Variants in KCNIP3 observed in about 807,000 individuals in gnomAD.
KCNIP3 encodes potassium voltage-gated channel interacting protein 3.
KCNIP3 carries 28 observed loss-of-function variants against 35.0 expected under a neutral mutation model. That is an observed-to-expected ratio of 0.80 (90% confidence interval 0.59 to 1.10). The LOEUF is 1.10. Among genes scored for constraint, KCNIP3 ranks in the 50% least tolerant of loss-of-function variants. The probability of loss-of-function intolerance (pLI) is 0.00; values close to 1 mark genes in which losing one functional copy is unlikely to be tolerated. For synonymous variants in KCNIP3, 134 were observed against 133.8 expected, an observed-to-expected ratio of 1.00 and a Z score of -0.01; for missense variants, 295 against 338.4, an observed-to-expected ratio of 0.87 and a Z score of 1.01.
At position 95,374,246 on chromosome 2, in the gene KCNIP3, G is replaced by C. The variant is rs763813992; in HGVS notation, c.182-50G>C. 1.9e-6 allele frequency: 3 copies of C among 1,593,504 alleles called. No individual in the cohort carries two copies. The African/African-American group carries it at 4.0e-5, about 21-fold the overall frequency. ...GCCCTGGCCACACTGGAGCAAGATG[G>C]AGGAGCAGGGCTACAGGCCTTACAC... On this transcript the variant is annotated intron_variant, in intron 2 of 8. Transcript: ENST00000295225.
At position 95,360,190 on chromosome 2, in the gene KCNIP3, C is replaced by CAA. The variant is rs35137501; in HGVS notation, c.182-14087_182-14086dup. Reference sequence around the variant, plus strand: ...TGGGCAACAGTGTGAGACTCCGTCTCAAAAAAAAAAAAAAAAAAAATTCTG... The same window carrying CAA: ...TGGGCAACAGTGTGAGACTCCGTCTCAAAAAAAAAAAAAAAAAAAAAATTCTG... On this transcript the variant is annotated intron_variant, in intron 2 of 8. Coordinates refer to ENST00000295225, the MANE Select transcript of KCNIP3 (RefSeq NM_013434.5). Among the ~76,000 whole-genome samples, 208 of 85,526 alleles carry CAA rather than the reference C, an allele frequency of 2.4e-3. 1 individual carries two copies. The highest frequency in any genetic ancestry group is 8.3e-3 in the African/African-American group (198 of 23,738). 56.1% of individuals were successfully genotyped at this position (85,526 alleles called of 152,430 possible). A position where few individuals can be genotyped will look rare whatever the true frequency, so the allele number is the denominator to read the frequency against.
intron 2 of KCNIP3, among the ~76,000 whole-genome samples, chr2:95,340,851 C>T (rs1679179385): frequency 6.6e-6 from 1 of 152,196 alleles, no homozygotes; most frequent in African/African-American, 2.4e-5. Context: ...TGCATCTAAG[C>T]TGGCTGCCCC....
intron 2 of KCNIP3, among the ~76,000 whole-genome samples, chr2:95,338,938 A>G (rs1340280091): frequency 1.3e-5 from 2 of 152,256 alleles, no homozygotes; most frequent in African/African-American, 4.8e-5. Context: ...AAAAGGCTTC[A>G]TAAGTGCTTG....
chr2:95,374,254 G>T (rs780547183), intron 2 of KCNIP3, 42 bp from the exon 3 acceptor site: 1 of 1,600,066 alleles, frequency 6.2e-7, no homozygotes, highest in Non-Finnish European at 8.5e-7. Flanking sequence ...TGGAGGAGCA[G>T]GGCTACAGGC....
In KCNIP3 at chr2:95,384,295, T is replaced by TC; in HGVS notation, c.*249dup. 1.8e-6 allele frequency: 1 copy of TC among 543,264 alleles called. No homozygotes were observed. 33.7% of individuals were successfully genotyped at this position (543,264 alleles called of 1,614,324 possible). On this transcript the variant is annotated 3_prime_UTR_variant, in exon 9 of 9. Transcript: ENST00000295225. ...GAGTCCAGGAGCCCCAGCCAGCCCT[T>TC]CCCAGGCCAGCGAGGCGAGGCTGCC...
chr2:95,344,931 T>C (rs1164233677), intron 2 of KCNIP3, among the ~76,000 whole-genome samples: 2 of 152,236 alleles, frequency 1.3e-5, no homozygotes, highest in Non-Finnish European at 2.9e-5. Flanking sequence ...AGGCTGGATC[T>C]TGTTCAGCAC....
chr2:95,311,005 G>A (rs1678300662), intron 2 of KCNIP3: 1 of 188,486 alleles, frequency 5.3e-6, no homozygotes, highest in Admixed American at 5.4e-5. Context: ...CCTGTTCAGT[G>A]CACCCCAAGG....
At chr2:95,319,735 C>T (rs550444448) in intron 2 of KCNIP3, among the ~76,000 whole-genome samples, 9 of 152,340 alleles carry the variant, frequency 5.9e-5, no homozygotes, top group East Asian at 5.8e-4. Flanking sequence ...TCTGGAGCTC[C>T]GGGCGCCTGT....
rs902731939 is a variant in KCNIP3 at position 95,374,419 on chromosome 2, A to T, written c.305A>T (p.Asn102Ile). 5 of 1,613,746 alleles carry T rather than the reference A, an allele frequency of 3.1e-6. No individual in the cohort carries two copies. Among genetic ancestry groups the T allele is most frequent in the Non-Finnish European group, 4.2e-6 (5 of 1,179,798 alleles). Residue 102 changes from asparagine (N) to isoleucine (I), a missense_variant and splice_region_variant, in exon 3 of 9, where the codon AAT becomes ATT. Coordinates refer to ENST00000295225, the MANE Select transcript of KCNIP3 (RefSeq NM_013434.5). ...ELQSLYRGFKNECPTGLVDED... is the reference protein window; with the variant it reads ...ELQSLYRGFKIECPTGLVDED... ...CAGTCTCTCTACAGGGGCTTTAAGA[A>T]TGTGAGTGTTCCCCATTCCCCCGGG...
intron 2 of KCNIP3, among the ~76,000 whole-genome samples, chr2:95,333,046 C>T (rs1484372542): frequency 6.6e-6 from 1 of 152,202 alleles, no homozygotes; most frequent in African/African-American, 2.4e-5. Flanking sequence ...CTGGGCCTCA[C>T]TTGTCTCACC....
In KCNIP3 at chr2:95,385,062, AG is replaced by A. The variant is rs1680464414; in HGVS notation, c.*1014del. ...CTCCCATGGCCCAGCAGCTTGGCTG[AG>A]CCCCCTCTCCTGAAGCAGTGTCGCC... On this transcript the variant is annotated 3_prime_UTR_variant, in exon 9 of 9. Coordinates refer to ENST00000295225, the MANE Select transcript of KCNIP3 (RefSeq NM_013434.5). 1 of 152,938 alleles carries A rather than the reference AG, an allele frequency of 6.5e-6. No individual in the cohort carries two copies. The highest frequency in any genetic ancestry group is 2.4e-5 in the African/African-American group (1 of 41,442). The allele number at this position is 152,938 out of a possible 1,614,324, so 9.5% of individuals were successfully genotyped here.
At chr2:95,330,343 G>T (rs1181753755) in intron 2 of KCNIP3, among the ~76,000 whole-genome samples, 1 of 152,208 alleles carries the variant, frequency 6.6e-6, no homozygotes, top group African/African-American at 2.4e-5. Flanking sequence ...TGGGCACCAG[G>T]TCTCCTGGCT....
intron 1 of KCNIP3, among the ~76,000 whole-genome samples, chr2:95,305,025 C>A (rs1484844716): frequency 6.6e-6 from 1 of 152,206 alleles, no homozygotes; most frequent in Admixed American, 6.5e-5. Flanking sequence ...GGACACAGCC[C>A]TAAATGCCCA....
intron 2 of KCNIP3, among the ~76,000 whole-genome samples, chr2:95,322,335 C>G (rs1319275597): frequency 6.6e-6 from 1 of 152,110 alleles, no homozygotes; most frequent in Non-Finnish European, 1.5e-5. Flanking sequence ...GCACTCCAGC[C>G]TGGGTAACAG....
At chr2:95,350,247 A>G (rs1679479985) in intron 2 of KCNIP3, among the ~76,000 whole-genome samples, 1 of 152,128 alleles carries the variant, frequency 6.6e-6, no homozygotes, top group African/African-American at 2.4e-5. Context: ...CATTCCTTGT[A>G]GGAGCAGAGA....
rs35516857 is a variant in KCNIP3 at position 95,310,455 on chromosome 2, G to T, written c.116G>T (p.Arg39Leu). ...GIKWQRPRLS[R>L]QALMRCCLVK... ...AAGTGGCAGAGGCCGAGGCTCAGCCGCCAGGCTTTGATGAGATGCTGCCTG... is the reference window on the plus strand; with the variant it reads ...AAGTGGCAGAGGCCGAGGCTCAGCCTCCAGGCTTTGATGAGATGCTGCCTG... The change falls in exon 2 of 9, where the codon CGC becomes CTC. Residue 39 changes from arginine to leucine, a missense_variant. Arg to Leu is a moderately radical substitution (Grantham distance 102, BLOSUM62 -2). Coordinates refer to ENST00000295225, the MANE Select transcript of KCNIP3 (RefSeq NM_013434.5). 4.3e-6 allele frequency: 7 copies of T among 1,613,768 alleles called. No individual in the cohort carries two copies. The highest frequency in any genetic ancestry group is 1.6e-4 in the Middle Eastern group (1 of 6,084).
At chr2:95,354,450 C>T (rs552862121) in intron 2 of KCNIP3, among the ~76,000 whole-genome samples, 1 of 152,248 alleles carries the variant, frequency 6.6e-6, no homozygotes, top group Non-Finnish European at 1.5e-5. Flanking sequence ...GTGCCCTCTG[C>T]AGGGAGGGTC....
chr2:95,374,976 G>C, intron 4 of KCNIP3, 59 bp downstream of exon 4: 1 of 1,558,088 alleles, frequency 6.4e-7, no homozygotes, highest in South Asian at 1.1e-5. Flanking sequence ...GGACCCTCCT[G>C]CTGCCCCTTG....
At chr2:95,330,586 CCAGA>C (rs759573732) in intron 2 of KCNIP3, among the ~76,000 whole-genome samples, 1 of 152,236 alleles carries the variant, frequency 6.6e-6, no homozygotes, top group Non-Finnish European at 1.5e-5. Flanking sequence ...ACTCTCACAG[CCAGA>C]CAAACACCAC....
Sources: allele counts gnomAD v4.1 joint callset (sites outside exome capture counted in the v4.1 genomes callset), GRCh38; gene constraint gnomAD v4.1.1; transcripts MANE v1.5; gene names NCBI Gene and HGNC (gene_info 2026-07-23, HGNC 2026-07-21).